The following PIEZO2 variants were observed in gnomAD, a reference collection of about 807,000 sequenced individuals.
The protein encoded by PIEZO2 is piezo-type mechanosensitive ion channel component 2.
A neutral mutation model predicts 337.3 loss-of-function variants in PIEZO2; 172 were observed. The ratio of observed to expected loss-of-function variants is 0.51; its 90% confidence interval spans 0.45 to 0.58. The LOEUF is 0.58. PIEZO2 is among the 20% of genes least tolerant of loss of function. The pLI is 0.00. For synonymous variants in PIEZO2, 1,251 were observed against 1,228.5 expected (o/e 1.02, Z -0.38); for missense variants, 3,028 against 3,391.3 (o/e 0.89, Z 2.66).
intron 3 of PIEZO2, among the ~76,000 whole-genome samples, chr18:10,917,020 T>A (rs1331522736): frequency 6.6e-6 from 1 of 152,148 alleles, no homozygotes; most frequent in Non-Finnish European, 1.5e-5. Flanking sequence ...GTCATCAAAC[T>A]TCCTTGCACA....
At chr18:10,764,141 A>G (rs937519287) in intron 21 of PIEZO2, among the ~76,000 whole-genome samples, 1 of 152,220 alleles carries the variant, frequency 6.6e-6, no homozygotes, top group Admixed American at 6.5e-5. Flanking sequence ...ATTGGACAGT[A>G]TAGAAGGACC....
In PIEZO2 at chr18:10,724,450, A is replaced by T. The variant is rs1326124527; in HGVS notation, c.5030-6191T>A. Among the ~76,000 whole-genome samples, 1 of 152,074 alleles carries T rather than the reference A, an allele frequency of 6.6e-6. No homozygotes were observed. The highest frequency in any genetic ancestry group is 1.5e-5 in the Non-Finnish European group (1 of 68,018). ...GGCAATGCATGCTGCAGCCAATCAG[A>T]CCCCTGGTAGCAGAGCCTGGGCCCA... On this transcript the variant is annotated intron_variant, in intron 36 of 55. Coordinates refer to ENST00000674853, the MANE Select transcript of PIEZO2 (RefSeq NM_001378183.1). The surrounding 1 kb of genome is among the most constrained non-coding windows in gnomAD (Gnocchi z 5.8).
intron 5 of PIEZO2, among the ~76,000 whole-genome samples, 181 bp from the exon 6 acceptor site, chr18:10,857,392 C>A (rs1486370713): frequency 6.6e-6 from 1 of 152,050 alleles, no homozygotes; most frequent in Non-Finnish European, 1.5e-5. Flanking sequence ...GCCCAAGTAA[C>A]TCTGATCTTT....
At position 10,715,670 on chromosome 18, in the gene PIEZO2, G is replaced by T. The variant is rs1163556330; in HGVS notation, c.5236C>A (p.Leu1746Met). 2 of 1,534,156 alleles carry T rather than the reference G, an allele frequency of 1.3e-6. No homozygotes were observed. The highest frequency in any genetic ancestry group is 1.4e-5 in the African/African-American group (1 of 72,906). ...GTTACCTTCTTAATTTCTCTGGTCA[G>T]CATGCATCGTTCAATTCTCAGAACT... ...STVLRIERCM[L>M]TREIKKGNVP... The change falls in exon 38 of 56, where the codon CTG (leucine) becomes ATG (methionine). Residue 1746 changes from leucine to methionine, a missense_variant. Transcript: ENST00000674853.
At chr18:11,000,309 T>C (rs2035484323) in intron 2 of PIEZO2, among the ~76,000 whole-genome samples, 1 of 152,240 alleles carries the variant, frequency 6.6e-6, no homozygotes, top group Non-Finnish European at 1.5e-5. Flanking sequence ...CAATTTTGTA[T>C]TGGCATATTA....
Position 10,682,699 on chromosome 18 carries a change from T to C in PIEZO2, c.7498-407A>G, listed in dbSNP as rs1192626508. On this transcript the variant is annotated intron_variant, in intron 49 of 55. Transcript: ENST00000674853. The surrounding 1 kb of genome is among the most constrained non-coding windows in gnomAD (Gnocchi z 5.6). The stretch of plus-strand genomic sequence containing the variant: ...TCAATTCCTGAATATTTAAAATCTG[T>C]GCCTTTCAGTTGACCCTTCCCTGCC... Among the ~76,000 whole-genome samples the C allele has an allele frequency of 1.3e-5, 2 of 152,180 alleles. No individual in the cohort carries two copies. Among genetic ancestry groups the C allele is most frequent in the Non-Finnish European group, 2.9e-5 (2 of 68,028 alleles).
chr18:10,883,736 A>T (rs1231364762), intron 4 of PIEZO2, among the ~76,000 whole-genome samples: 1 of 151,314 alleles, frequency 6.6e-6, no homozygotes, highest in Non-Finnish European at 1.5e-5. Context: ...ATTTGGCATC[A>T]TTTGACCAAC....
chr18:10,742,689 T>A (rs1031362507), intron 31 of PIEZO2, 74 bp from the exon 32 acceptor site: 4 of 1,475,854 alleles, frequency 2.7e-6, no homozygotes, highest in Non-Finnish European at 3.6e-6. Flanking sequence ...TTTGGACTTA[T>A]GCTGTTACGT....
At chr18:11,046,808 A>G (rs1182113845) in intron 2 of PIEZO2, among the ~76,000 whole-genome samples, 3 of 152,246 alleles carry the variant, frequency 2.0e-5, no homozygotes, top group African/African-American at 4.8e-5. Context: ...TCTACTGTGC[A>G]GTGCTCCGGC....
At chr18:11,072,030 AC>A (rs1210175563) in intron 1 of PIEZO2, among the ~76,000 whole-genome samples, 1 of 151,832 alleles carries the variant, frequency 6.6e-6, no homozygotes, top group African/African-American at 2.4e-5. Context: ...TGCACAGCTC[AC>A]ATGCTTCCCC....
Position 10,911,052 on chromosome 18 carries a change from A to G in PIEZO2, c.329+134T>C. 8.8e-6 allele frequency: 4 copies of G among 455,862 alleles called. 1 individual carries two copies. The highest frequency in any genetic ancestry group is 1.4e-5 in the Non-Finnish European group (4 of 277,568). 28.2% of individuals were successfully genotyped at this position (455,862 alleles called of 1,614,324 possible). A position where few individuals can be genotyped will look rare whatever the true frequency, so the allele number is the denominator to read the frequency against. ...AACTGAGGCTCGGAGGGGCAAAATG[A>G]CGACTTGATCAAGGTCATACAGTTA... On this transcript the variant is annotated intron_variant, in intron 4 of 55. Coordinates refer to ENST00000674853, the MANE Select transcript of PIEZO2 (RefSeq NM_001378183.1).
At position 10,903,658 on chromosome 18, in the gene PIEZO2, G is replaced by A. The variant is rs574322967; in HGVS notation, c.329+7528C>T. ...ACTGCACTCCAGCCTGGGCGACAGA[G>A]CAAGACTCCATCTCAAAAAAAAAAA... On this transcript the variant is annotated intron_variant, in intron 4 of 55. Transcript: ENST00000674853. The surrounding 1 kb of genome is among the most constrained non-coding windows in gnomAD (Gnocchi z 4.1). 6.6e-6 allele frequency among the ~76,000 whole-genome samples: 1 copy of A among 152,010 alleles called. No homozygotes were observed. The highest frequency in any genetic ancestry group is 2.4e-5 in the African/African-American group (1 of 41,442).
At chr18:11,029,474 C>A (rs2036652211) in intron 2 of PIEZO2, among the ~76,000 whole-genome samples, 1 of 152,138 alleles carries the variant, frequency 6.6e-6, no homozygotes, top group Non-Finnish European at 1.5e-5. Flanking sequence ...TTCTGCAGAC[C>A]CCTTAGGCGG....
chr18:11,119,876 A>G (rs951007881), intron 1 of PIEZO2, among the ~76,000 whole-genome samples: 2 of 152,262 alleles, frequency 1.3e-5, no homozygotes, highest in African/African-American at 4.8e-5. Context: ...AGAATATGAG[A>G]ACAATGAAAA....
chr18:10,938,413 A>G (rs749774119), intron 3 of PIEZO2, among the ~76,000 whole-genome samples: 3 of 152,254 alleles, frequency 2.0e-5, no homozygotes, highest in East Asian at 1.9e-4. Context: ...GCAAACACCT[A>G]TTTTAGGCAC....
intron 3 of PIEZO2, among the ~76,000 whole-genome samples, chr18:10,916,451 G>A (rs1295305808): frequency 2.0e-5 from 3 of 152,160 alleles, no homozygotes; most frequent in African/African-American, 7.2e-5. Context: ...CAGAGGCTTG[G>A]TGAGAATTTG....
rs2042161600 is a variant in PIEZO2, at chr18:10,872,391, GCCATCT to G, written c.330-982_330-977del. Among the ~76,000 whole-genome samples the G allele has an allele frequency of 6.6e-6, 1 of 152,166 alleles. No homozygotes were observed. The highest frequency in any genetic ancestry group is 2.4e-5 in the African/African-American group (1 of 41,442). ...ATCTGTCTGGGAAGGTAATACAAAC[GCCATCT>G]GTGATTTTGGGAGGCGTCCAGTGGT... On this transcript the variant is annotated intron_variant, in intron 4 of 55. Coordinates refer to ENST00000674853, the MANE Select transcript of PIEZO2 (RefSeq NM_001378183.1). The surrounding 1 kb of genome is among the most constrained non-coding windows in gnomAD (Gnocchi z 4.3).
intron 33 of PIEZO2, chr18:10,738,653 T>C (rs1308612066): frequency 1.3e-5 from 2 of 152,230 alleles, no homozygotes; most frequent in Non-Finnish European, 2.9e-5. Context: ...TGTGTCCACA[T>C]ACATATCATG....
At chr18:10,690,959 C>T (rs2034793114) in intron 48 of PIEZO2, among the ~76,000 whole-genome samples, 1 of 152,158 alleles carries the variant, frequency 6.6e-6, no homozygotes, top group South Asian at 2.1e-4. Flanking sequence ...CCCTATTTTT[C>T]ATTCTCAAAT....
Sources: gnomAD v4.1 joint callset for allele counts (sites outside exome capture counted in the v4.1 genomes callset) on GRCh38, gnomAD v4.1.1 for gene constraint, Gnocchi (gnomAD v3.1) non-coding constraint, MANE v1.5 for transcripts, NCBI Gene and HGNC (gene_info 2026-07-23, HGNC 2026-07-21) for gene names.